The following RAB31 variants were observed in gnomAD, a reference collection of about 807,000 sequenced individuals.
RAB31 encodes the protein RAB31, member RAS oncogene family.
In RAB31, 21 loss-of-function variants were observed where a neutral mutation model predicts 25.6. That is an observed-to-expected ratio of 0.82 (90% CI 0.58 to 1.18). RAB31 has a LOEUF of 1.18. RAB31 is among the 50% of genes most tolerant of loss of function. The pLI, the probability that RAB31 is intolerant of heterozygous loss-of-function variation, is 0.00. For missense variants in RAB31, 196 were observed against 250.1 expected, an observed-to-expected ratio of 0.78 and a Z score of 1.46; for synonymous variants, 87 against 84.0, an observed-to-expected ratio of 1.04 and a Z score of -0.20.
At position 9,814,075 on chromosome 18, in the gene RAB31, A is replaced by G; in HGVS notation, c.257A>G (p.Tyr86Cys). The change falls in exon 4 of 7, where the codon TAT becomes TGT. Residue 86 changes from tyrosine (Y) to cysteine (C), a missense_variant. Tyr to Cys is a radical substitution (Grantham distance 194). Transcript: ENST00000578921. ...GGCTCAGCTGCAGCTGTTATCGTGT[A>G]TGATATTACCAAGCAGGTAAGAATG... ...YRGSAAAVIV[Y>C]DITKQDSFYT... The G allele has an allele frequency of 6.3e-7, 1 of 1,585,580 alleles. No homozygotes were observed. The highest frequency in any genetic ancestry group is 1.1e-5 in the South Asian group (1 of 87,962).
chr18:9,838,641 C>T (rs1482228327), intron 5 of RAB31, among the ~76,000 whole-genome samples: 1 of 152,178 alleles, frequency 6.6e-6, no homozygotes, highest in Non-Finnish European at 1.5e-5. Context: ...ACAAGCACCC[C>T]TATTGGGTAG....
chr18:9,852,259 AT>A lies in RAB31; in HGVS notation c.490+6575del, dbSNP rs1196959826. ...TTAATCTATAAATATTTTGTCCATA[AT>A]TTTTTTAAACAATGACAACTATGTT... is the stretch of plus-strand genomic sequence containing the variant. On this transcript the variant is annotated intron_variant, in intron 6 of 6. Transcript: ENST00000578921. Among the ~76,000 whole-genome samples, 12 of 152,246 alleles carry A rather than the reference AT, an allele frequency of 7.9e-5. No individual in the cohort carries two copies. In the East Asian group the frequency reaches 1.5e-3, roughly 20 times the overall value.
At chr18:9,728,520 A>G (rs1308591616) in intron 1 of RAB31, among the ~76,000 whole-genome samples, 6 of 152,176 alleles carry the variant, frequency 3.9e-5, no homozygotes, top group Non-Finnish European at 7.3e-5. Flanking sequence ...AACACAAAAT[A>G]TAACCTAATT....
At chr18:9,784,974 A>C (rs2068424527) in intron 2 of RAB31, 1 of 152,244 alleles carries the variant, frequency 6.6e-6, no homozygotes, top group Non-Finnish European at 1.5e-5. Flanking sequence ...TTATGTTAAA[A>C]TAGAGCGTCC....
At chr18:9,809,973 A>C (rs2068562440) in intron 3 of RAB31, among the ~76,000 whole-genome samples, 1 of 152,206 alleles carries the variant, frequency 6.6e-6, no homozygotes, top group Non-Finnish European at 1.5e-5. Context: ...GAGCCTGAAG[A>C]AGGCCGTTCC....
At chr18:9,735,793 A>G (rs1356589001) in intron 1 of RAB31, among the ~76,000 whole-genome samples, 2 of 152,168 alleles carry the variant, frequency 1.3e-5, no homozygotes, top group Non-Finnish European at 2.9e-5. Context: ...TTTTTCTTTC[A>G]TTATCATTTT....
chr18:9,798,344 T>C (rs1027399308), intron 3 of RAB31, among the ~76,000 whole-genome samples: 1 of 150,000 alleles, frequency 6.7e-6, no homozygotes, highest in Non-Finnish European at 1.5e-5. Flanking sequence ...TAATGGCAAT[T>C]TTTCAATTGT....
intron 1 of RAB31, among the ~76,000 whole-genome samples, chr18:9,747,240 T>G (rs1334100529): frequency 6.6e-6 from 1 of 152,138 alleles, no homozygotes; most frequent in Admixed American, 6.5e-5. Context: ...GGATGGCTAT[T>G]TAAAAAAATG....
At chr18:9,802,579 A>G (rs955474312) in intron 3 of RAB31, among the ~76,000 whole-genome samples, 8 of 152,242 alleles carry the variant, frequency 5.3e-5, no homozygotes, top group Non-Finnish European at 1.0e-4. Context: ...GACATCCTCC[A>G]GGAGCCCACG....
intron 5 of RAB31, among the ~76,000 whole-genome samples, chr18:9,823,606 C>T (rs561311442): frequency 6.6e-6 from 1 of 151,970 alleles, no homozygotes; most frequent in East Asian, 1.9e-4. Context: ...ATCTGATTAA[C>T]AAAAAGTTGA....
chr18:9,782,043 C>A (rs1417811112), intron 2 of RAB31, among the ~76,000 whole-genome samples: 1 of 152,228 alleles, frequency 6.6e-6, no homozygotes, highest in Non-Finnish European at 1.5e-5. Flanking sequence ...GTTTGGAGCC[C>A]TGGTGCCCAT....
intron 2 of RAB31, 149 bp downstream of exon 2, chr18:9,775,506 A>G (rs2068367838): frequency 2.1e-6 from 3 of 1,434,922 alleles, no homozygotes; most frequent in African/African-American, 2.9e-5. Flanking sequence ...ACAGAAATTC[A>G]GGGACTTCTG....
At chr18:9,793,180 C>A (rs1374260317) in intron 3 of RAB31, among the ~76,000 whole-genome samples, 6 of 152,010 alleles carry the variant, frequency 3.9e-5, no homozygotes, top group African/African-American at 1.4e-4. Context: ...CTCAAGAGAC[C>A]CTCCTGCCTC....
chr18:9,742,354 C>T (rs2068184057), intron 1 of RAB31, among the ~76,000 whole-genome samples: 2 of 152,098 alleles, frequency 1.3e-5, no homozygotes, highest in Non-Finnish European at 2.9e-5. Flanking sequence ...AACAGTCCTC[C>T]CATTTGTCTG....
At chr18:9,760,727 T>G (rs923492300) in intron 1 of RAB31, among the ~76,000 whole-genome samples, 1 of 152,088 alleles carries the variant, frequency 6.6e-6, no homozygotes, top group East Asian at 1.9e-4. Context: ...TCGCCTAACA[T>G]GTCTTGTCAC....
At position 9,816,200 on chromosome 18, in the gene RAB31, G is replaced by A. The variant is rs182307781; in HGVS notation, c.380+978G>A. On this transcript the variant is annotated intron_variant, in intron 5 of 6. Transcript: ENST00000578921. ...CATGCCTTTGTTATGTCTGCCCTCA[G>A]TGTAGTAACTTAATTAATGGCCTTT... The A allele has an allele frequency of 4.2e-4, 87 of 204,918 alleles. 2 individuals carry two copies. Among genetic ancestry groups the A allele is most frequent in the African/African-American group, 1.7e-3 (73 of 43,842 alleles). 12.7% of individuals were successfully genotyped at this position (204,918 alleles called of 1,614,324 possible).
chr18:9,854,847 G>A lies in RAB31; in HGVS notation c.491-4381G>A, dbSNP rs547112919. Among the ~76,000 whole-genome samples, 54 of 152,276 alleles carry A rather than the reference G, an allele frequency of 3.5e-4. No homozygotes were observed. In the South Asian group the frequency reaches 0.01, roughly 29 times the overall value. On this transcript the variant is annotated intron_variant, in intron 6 of 6. Transcript: ENST00000578921. ...CATTATCAAGAGTGAATACTGCCAA[G>A]TCCTAGCAAACTTGGTCAAGTTACT... is the stretch of plus-strand genomic sequence containing the variant.
chr18:9,775,916 G>A (rs1301753571), intron 2 of RAB31, among the ~76,000 whole-genome samples: 1 of 152,094 alleles, frequency 6.6e-6, no homozygotes, highest in Non-Finnish European at 1.5e-5. Context: ...AGCCTCCTGA[G>A]TAGCTGGGAT....
At chr18:9,727,822 T>C (rs2145462790) in intron 1 of RAB31, among the ~76,000 whole-genome samples, 1 of 152,304 alleles carries the variant, frequency 6.6e-6, no homozygotes, top group South Asian at 2.1e-4. Flanking sequence ...AATGTCCACT[T>C]TTAAGGTATG....
Sources: gnomAD v4.1 joint callset for allele counts (sites outside exome capture counted in the v4.1 genomes callset) on GRCh38, gnomAD v4.1.1 for gene constraint, MANE v1.5 for transcripts, NCBI Gene and HGNC (gene_info 2026-07-23, HGNC 2026-07-21) for gene names.